The following JAKMIP2 variants were observed in gnomAD, a reference collection of about 807,000 sequenced individuals.
The protein encoded by JAKMIP2 is janus kinase and microtubule-interacting protein 2.
In JAKMIP2, 25 loss-of-function variants were observed where a neutral mutation model predicts 115.0. The observed-to-expected ratio is 0.22, with a 90% confidence interval of 0.16 to 0.30. The LOEUF (loss-of-function observed/expected upper bound fraction) is 0.30, where lower values mean the gene tolerates loss of function less well. JAKMIP2 is among the 10% of genes least tolerant of loss of function. JAKMIP2 has a pLI of 1.00. For missense variants in JAKMIP2, 642 were observed against 957.6 expected, an observed-to-expected ratio of 0.67 and a Z score of 4.35; for synonymous variants, 334 against 343.6, an observed-to-expected ratio of 0.97 and a Z score of 0.31.
rs559017337 is a variant in JAKMIP2 at position 147,588,671 on chromosome 5, A to C, written c.*3036T>G. 1 of 152,310 alleles carries C rather than the reference A, an allele frequency of 6.6e-6. No homozygotes were observed. Among genetic ancestry groups the C allele is most frequent in the East Asian group, 1.9e-4 (1 of 5,186 alleles). The allele number at this position is 152,310 out of a possible 1,614,324, so 9.4% of individuals were successfully genotyped here. A position where few individuals can be genotyped will look rare whatever the true frequency, so the allele number is the denominator to read the frequency against. On this transcript the variant is annotated 3_prime_UTR_variant, in exon 22 of 22. Transcript: ENST00000616793. ...AGTCTATAGTCTTGAGAAATTTGCT[A>C]ATCTCCCAGATCTTAAGCAAAAAGA...
chr5:147,659,967 T>C (rs901722148), intron 3 of JAKMIP2, among the ~76,000 whole-genome samples: 4 of 152,174 alleles, frequency 2.6e-5, no homozygotes, highest in African/African-American at 4.8e-5. Context: ...ATTAGAATTC[T>C]CAGAAAGTAA....
chr5:147,612,213 A>T, intron 20 of JAKMIP2, 93 bp downstream of exon 20: 1 of 882,360 alleles, frequency 1.1e-6, no homozygotes, highest in Non-Finnish European at 1.9e-6. Context: ...GACACACAAT[A>T]ACTGAGAAGC....
In JAKMIP2 at chr5:147,587,402, ATTTC is replaced by A. The variant is rs1333034925; in HGVS notation, c.*4301_*4304del. The A allele has an allele frequency of 7.9e-6, 1 of 126,602 alleles. No individual in the cohort carries two copies. The highest frequency in any genetic ancestry group is 1.7e-5 in the Non-Finnish European group (1 of 59,160). 7.8% of individuals were successfully genotyped at this position (126,602 alleles called of 1,614,324 possible). A position where few individuals can be genotyped will look rare whatever the true frequency, so the allele number is the denominator to read the frequency against. ...ATGCAACTCCCAAATTACAGAGCAA[ATTTC>A]TATTGCTCTGTGTGTGTGTGTGTGT... On this transcript the variant is annotated 3_prime_UTR_variant, in exon 22 of 22. Transcript: ENST00000616793.
At chr5:147,768,369 G>A (rs1483758600) in intron 1 of JAKMIP2, among the ~76,000 whole-genome samples, 1 of 152,132 alleles carries the variant, frequency 6.6e-6, no homozygotes, top group African/African-American at 2.4e-5. Flanking sequence ...CATCGTAGCT[G>A]TTAGAATTAT....
intron 3 of JAKMIP2, among the ~76,000 whole-genome samples, chr5:147,657,426 C>G (rs1156236443): frequency 5.3e-5 from 8 of 152,142 alleles, no homozygotes; most frequent in Non-Finnish European, 1.0e-4. Flanking sequence ...TCTCTGGTTA[C>G]CCTTAACATT....
intron 17 of JAKMIP2, among the ~76,000 whole-genome samples, chr5:147,622,393 C>T (rs1466443012): frequency 6.6e-6 from 1 of 152,038 alleles, no homozygotes; most frequent in East Asian, 1.9e-4. Context: ...GAAACTATAC[C>T]CATTATACAA....
At chr5:147,760,662 C>T (rs1019370388) in intron 1 of JAKMIP2, among the ~76,000 whole-genome samples, 3 of 152,068 alleles carry the variant, frequency 2.0e-5, no homozygotes, top group Non-Finnish European at 4.4e-5. Flanking sequence ...GTGTAGACAG[C>T]TTTGAGAGAA....
chr5:147,721,547 C>CG (rs1220019547), intron 1 of JAKMIP2, among the ~76,000 whole-genome samples: 3 of 152,158 alleles, frequency 2.0e-5, no homozygotes, highest in Non-Finnish European at 2.9e-5. Context: ...GGTATAATCT[C>CG]GTGGTGCGCC....
chr5:147,656,547 C>T (rs571103633), intron 3 of JAKMIP2, among the ~76,000 whole-genome samples: 1 of 152,252 alleles, frequency 6.6e-6, no homozygotes, highest in Admixed American at 6.5e-5. Flanking sequence ...GGCAAATTTT[C>T]CTCTGTCCCT....
At chr5:147,773,074 G>A (rs938902441) in intron 1 of JAKMIP2, among the ~76,000 whole-genome samples, 2 of 152,120 alleles carry the variant, frequency 1.3e-5, no homozygotes, top group Non-Finnish European at 2.9e-5. Context: ...CAGCGCTAAC[G>A]CATTAACTAC....
intron 1 of JAKMIP2, among the ~76,000 whole-genome samples, chr5:147,762,029 A>G (rs1304740051): frequency 3.3e-5 from 5 of 152,096 alleles, no homozygotes; most frequent in Non-Finnish European, 4.4e-5. Context: ...GGGAAAAAAT[A>G]GGCTTCACAG....
In JAKMIP2 at chr5:147,715,811, A is replaced by G. The variant is rs571909381; in HGVS notation, c.-148-43857T>C. 3.4e-5 allele frequency among the ~76,000 whole-genome samples: 5 copies of G among 148,072 alleles called. No homozygotes were observed. The South Asian group carries it at 1.1e-3, about 32-fold the overall frequency. On this transcript the variant is annotated intron_variant, in intron 1 of 21. Transcript: ENST00000616793. ...TCTCCAATGATATTGTTTTAAAATT[A>G]TATTTCTTTTTTTTTTTTTGGCCAA...
intron 1 of JAKMIP2, among the ~76,000 whole-genome samples, chr5:147,697,446 A>C (rs1752149923): frequency 6.6e-6 from 1 of 152,160 alleles, no homozygotes; most frequent in African/African-American, 2.4e-5. Flanking sequence ...AATCATATAA[A>C]AGCCAAATGT....
intron 1 of JAKMIP2, among the ~76,000 whole-genome samples, chr5:147,676,918 A>T (rs1295231801): frequency 6.6e-6 from 1 of 152,224 alleles, no homozygotes; most frequent in Non-Finnish European, 1.5e-5. Flanking sequence ...GTCTAGTTAC[A>T]TCAAAATCTA....
At chr5:147,610,620 A>AGGTATCTGTCGAC (rs1756267294) in intron 20 of JAKMIP2, among the ~76,000 whole-genome samples, 1 of 152,162 alleles carries the variant, frequency 6.6e-6, no homozygotes, top group Non-Finnish European at 1.5e-5. Context: ...TGTCTGTCGA[A>AGGTATCTGTCGAC]CCCTCCTGGG....
intron 1 of JAKMIP2, among the ~76,000 whole-genome samples, chr5:147,780,332 C>G (rs1490536302): frequency 1.3e-5 from 2 of 152,054 alleles, no homozygotes; most frequent in Non-Finnish European, 2.9e-5. Context: ...CAAACTGTAC[C>G]AACTTTGCCT....
intron 1 of JAKMIP2, among the ~76,000 whole-genome samples, chr5:147,768,068 C>T (rs905744310): frequency 2.0e-5 from 3 of 151,994 alleles, no homozygotes; most frequent in Admixed American, 1.3e-4. Context: ...AAAACCCCTA[C>T]ACACACACAC....
intron 12 of JAKMIP2, 119 bp from the exon 13 acceptor site, chr5:147,632,897 C>T: frequency 1.6e-6 from 1 of 630,058 alleles, no homozygotes; most frequent in Non-Finnish European, 2.8e-6. Flanking sequence ...AAAAAAAATC[C>T]CCAAATAGAT....
chr5:147,609,119 C>A (rs1450849832), intron 20 of JAKMIP2, among the ~76,000 whole-genome samples: 1 of 151,958 alleles, frequency 6.6e-6, no homozygotes, highest in Admixed American at 6.6e-5. Context: ...TGGGTTTTGA[C>A]TTTTTATCCA....
Sources: allele counts gnomAD v4.1 joint callset (sites outside exome capture counted in the v4.1 genomes callset), GRCh38; gene constraint gnomAD v4.1.1; transcripts MANE v1.5; gene names NCBI Gene and HGNC (gene_info 2026-07-23, HGNC 2026-07-21).